The following PDE4D variants were observed in gnomAD, a reference collection of about 807,000 sequenced individuals.
The protein encoded by PDE4D is phosphodiesterase 4D.
Under a neutral mutation model 87.4 loss-of-function variants are expected in PDE4D, and 24 were observed. The ratio of observed to expected loss-of-function variants is 0.27; its 90% confidence interval spans 0.20 to 0.39. The LOEUF is 0.39. Among genes scored for constraint, PDE4D ranks in the 10% least tolerant of loss-of-function variants. PDE4D has a pLI of 1.00. For missense variants in PDE4D, 714 were observed against 1,041.0 expected (o/e 0.69, Z 4.32); for synonymous variants, 384 against 383.2 (o/e 1.00, Z -0.02).
chr5:60,202,519 T>C (rs764715833), intron 1 of PDE4D, among the ~76,000 whole-genome samples: 8 of 151,996 alleles, frequency 5.3e-5, no homozygotes, highest in Non-Finnish European at 4.4e-5. Context: ...AAAATTTTAA[T>C]ATACAATACA....
rs148483041 is a variant in PDE4D, at chr5:60,189,659, T to C, written c.-89-3972A>G. ...AGAAGCTACTGAACAGGACATGTTTTATATATGTAAGAAGAATTCTTTAAT... is the reference window on the plus strand; with the variant it reads ...AGAAGCTACTGAACAGGACATGTTTCATATATGTAAGAAGAATTCTTTAAT... On this transcript the variant is annotated intron_variant, in intron 1 of 16. Coordinates refer to the PDE4D transcript ENST00000502484. Among the ~76,000 whole-genome samples, 62 of 152,342 alleles carry C rather than the reference T, an allele frequency of 4.1e-4. 1 individual carries two copies. The highest frequency in any genetic ancestry group is 1.5e-3 in the African/African-American group (62 of 41,590).
intron 3 of PDE4D, among the ~76,000 whole-genome samples, chr5:59,975,102 T>C (rs1309616660): frequency 2.0e-5 from 3 of 152,308 alleles, no homozygotes; most frequent in Non-Finnish European, 4.4e-5. Context: ...TCGTTTGACA[T>C]CTATGCCAAT....
intron 5 of PDE4D, among the ~76,000 whole-genome samples, chr5:59,151,963 ATAGAG>A (rs1207500799): frequency 2.0e-5 from 3 of 152,152 alleles, no homozygotes; most frequent in Admixed American, 6.6e-5. Flanking sequence ...AGGCAAGAGA[ATAGAG>A]TAGAGAACAT....
chr5:59,179,288 G>T (rs964880177), intron 5 of PDE4D, among the ~76,000 whole-genome samples: 6 of 152,200 alleles, frequency 3.9e-5, no homozygotes, highest in African/African-American at 1.4e-4. Flanking sequence ...TTTTAGTAGA[G>T]ATGGGGTTTC....
At chr5:60,521,222 C>T (rs1751026869) in intron 1 of PDE4D, 1 of 152,202 alleles carries the variant, frequency 6.6e-6, no homozygotes, top group Admixed American at 6.5e-5. Context: ...CCTGACTTTT[C>T]AGCTATTCTC....
In PDE4D at chr5:59,215,815, T is replaced by G. The variant is rs774937094; in HGVS notation, c.609A>C (p.Pro203=). Residue 203 remains proline, a synonymous_variant, in exon 2 of 15, where the codon CCA becomes CCC. Coordinates refer to ENST00000340635, the MANE Select transcript of PDE4D (RefSeq NM_001104631.2). ...TGGAGGAGTTCCGGGACATAGACTT[T>G]GGAGAGAGGTCATAATCGCTGTCGG... is the stretch of plus-strand genomic sequence containing the variant. The part of the protein sequence containing the change: ...YRSDSDYDLS[P]KSMSRNSSIA... 2 of 1,613,702 alleles carry G rather than the reference T, an allele frequency of 1.2e-6. No homozygotes were observed. The highest frequency in any genetic ancestry group is 1.7e-6 in the Non-Finnish European group (2 of 1,179,694).
intron 1 of PDE4D, among the ~76,000 whole-genome samples, chr5:59,509,953 ATAT>A (rs1001120442): frequency 6.8e-6 from 1 of 148,076 alleles, no homozygotes; most frequent in African/African-American, 2.4e-5. Context: ...TATTTTTTGA[ATAT>A]TATAATTATA....
intron 1 of PDE4D, among the ~76,000 whole-genome samples, chr5:59,640,159 G>A (rs1000559048): frequency 1.2e-4 from 18 of 152,112 alleles, no homozygotes; most frequent in African/African-American, 3.9e-4. Context: ...GATTTACACA[G>A]GCATAAGATA....
chr5:59,930,981 G>A (rs1755845452), intron 3 of PDE4D, among the ~76,000 whole-genome samples: 1 of 152,100 alleles, frequency 6.6e-6, no homozygotes, highest in Admixed American at 6.5e-5. Flanking sequence ...ATAAAAATAT[G>A]AAAGATTTCT....
chr5:59,635,390 A>C (rs1418726561), intron 1 of PDE4D, among the ~76,000 whole-genome samples: 2 of 152,242 alleles, frequency 1.3e-5, no homozygotes, highest in Non-Finnish European at 1.5e-5. Context: ...TCGTTTTATG[A>C]GGCCAGCATC....
chr5:60,217,718 T>C (rs115100173), intron 1 of PDE4D, among the ~76,000 whole-genome samples: 6,285 of 151,782 alleles, frequency 0.041, 243 homozygotes, highest in African/African-American at 0.099. Flanking sequence ...AAAAAGACAA[T>C]TAAAGGAAAA....
At chr5:59,046,996 C>T (rs964075313) in intron 5 of PDE4D, among the ~76,000 whole-genome samples, 1 of 152,106 alleles carries the variant, frequency 6.6e-6, no homozygotes, top group Non-Finnish European at 1.5e-5. Context: ...TTTCTAGGGC[C>T]TTATTTCACC....
chr5:59,081,986 T>A (rs1217295532), intron 5 of PDE4D, among the ~76,000 whole-genome samples: 26 of 152,162 alleles, frequency 1.7e-4, no homozygotes, highest in Admixed American at 1.7e-3. Context: ...TCTGGAATTT[T>A]CCCTGCTGGT....
At chr5:60,314,390 C>T (rs1188993156) in intron 1 of PDE4D, among the ~76,000 whole-genome samples, 2 of 152,120 alleles carry the variant, frequency 1.3e-5, no homozygotes, top group African/African-American at 4.8e-5. Flanking sequence ...TGGTCTCGAA[C>T]TCCTGAGATC....
intron 1 of PDE4D, among the ~76,000 whole-genome samples, chr5:60,510,952 T>G (rs1583963025): frequency 1.3e-5 from 2 of 152,110 alleles, no homozygotes; most frequent in East Asian, 3.9e-4. Context: ...CCTGCCGTGG[T>G]AGTTTTTTTG....
chr5:59,519,650 G>A (rs750087858), intron 1 of PDE4D, among the ~76,000 whole-genome samples: 21 of 152,214 alleles, frequency 1.4e-4, no homozygotes, highest in Non-Finnish European at 2.1e-4. Context: ...GACATAGCAA[G>A]AATTTGACTT....
At chr5:59,411,375 AG>A (rs973570516) in intron 1 of PDE4D, among the ~76,000 whole-genome samples, 1 of 152,192 alleles carries the variant, frequency 6.6e-6, no homozygotes, top group African/African-American at 2.4e-5. Context: ...ATTTGACAAG[AG>A]GGCTTTCAAA....
intron 1 of PDE4D, among the ~76,000 whole-genome samples, chr5:60,255,235 CAAAGGA>C (rs1748915815): frequency 4.6e-5 from 7 of 151,880 alleles, no homozygotes; most frequent in African/African-American, 1.7e-4. Flanking sequence ...TGATGTTTGT[CAAAGGA>C]CAGACATCAC....
intron 1 of PDE4D, among the ~76,000 whole-genome samples, chr5:60,287,175 G>T (rs1421796209): frequency 6.6e-6 from 1 of 152,196 alleles, no homozygotes; most frequent in Non-Finnish European, 1.5e-5. Context: ...ATACAAAAAT[G>T]GTAAAACCTA....
Sources: gnomAD v4.1 joint callset for allele counts (sites outside exome capture counted in the v4.1 genomes callset) on GRCh38, gnomAD v4.1.1 for gene constraint, MANE v1.5 for transcripts, NCBI Gene and HGNC (gene_info 2026-07-23, HGNC 2026-07-21) for gene names.